The following NOTCH2 variants were observed in gnomAD, a reference collection of about 807,000 sequenced individuals.
NOTCH2 encodes the protein notch receptor 2, also known as neurogenic locus notch homolog protein 2.
NOTCH2 carries 29 observed loss-of-function variants against 235.8 expected under a neutral mutation model. The observed-to-expected ratio is 0.12, with a 90% CI of 0.09 to 0.17. NOTCH2 has a LOEUF of 0.17. NOTCH2 is among the 10% of genes least tolerant of loss of function. NOTCH2 has a pLI of 1.00. For synonymous variants in NOTCH2, 1,086 were observed against 1,141.5 expected, an observed-to-expected ratio of 0.95 and a Z score of 0.98; for missense variants, 2,285 against 3,150.2, an observed-to-expected ratio of 0.73 and a Z score of 6.57.
chr1:119,999,890 G>T (rs2603821), intron 3 of NOTCH2, among the ~76,000 whole-genome samples: 3,305 of 124,128 alleles, frequency 0.027, 3 homozygotes, highest in East Asian at 0.082. Context: ...AAAGAGAGAG[G>T]GAAAGAGAGA....
At position 119,912,025 on chromosome 1, in the gene NOTCH2, A is replaced by G; in HGVS notation, c.*3281T>C. Reference sequence around the variant, plus strand: ...GGTAACACTGCCAGGCCATGGATGCAGTATTGGAAAATAAAAAATACAACA... The same window carrying G: ...GGTAACACTGCCAGGCCATGGATGCGGTATTGGAAAATAAAAAATACAACA... On this transcript the variant is annotated 3_prime_UTR_variant, in exon 34 of 34. Coordinates refer to ENST00000256646, the MANE Select transcript of NOTCH2 (RefSeq NM_024408.4). The G allele has an allele frequency of 4.3e-6, 1 of 233,684 alleles. No individual in the cohort carries two copies. Among genetic ancestry groups the G allele is most frequent in the Non-Finnish European group, 8.5e-6 (1 of 118,054 alleles). 14.5% of individuals were successfully genotyped at this position (233,684 alleles called of 1,614,324 possible).
chr1:120,007,362 A>AT (rs1653019350), intron 2 of NOTCH2, among the ~76,000 whole-genome samples: 1 of 144,042 alleles, frequency 6.9e-6, no homozygotes, highest in African/African-American at 2.9e-5. Context: ...ACTGAACAAA[A>AT]TCAAGTATGT....
At chr1:119,939,610 T>A (rs587642767) in intron 19 of NOTCH2, among the ~76,000 whole-genome samples, 7 of 152,232 alleles carry the variant, frequency 4.6e-5, no homozygotes, top group Non-Finnish European at 8.8e-5. Context: ...GCACAAGGAC[T>A]GGCACCTTTC....
rs1422166778 is a variant in NOTCH2, at chr1:119,931,314, T to A, written c.3656-2102A>T. On this transcript the variant is annotated intron_variant, in intron 22 of 33. Coordinates refer to ENST00000256646, the MANE Select transcript of NOTCH2 (RefSeq NM_024408.4). ...TACACCTAAATGAAGACAACTTTAA[T>A]ACTGTCCTAACAGACACAAAAGAGA... Among the ~76,000 whole-genome samples the A allele has an allele frequency of 2.0e-5, 3 of 152,088 alleles. No individual in the cohort carries two copies. The East Asian group carries it at 5.8e-4, about 29-fold the overall frequency.
chr1:119,916,840 GCCTC>G, intron 33 of NOTCH2, 146 bp from the exon 34 acceptor site: 1 of 819,358 alleles, frequency 1.2e-6, no homozygotes, highest in Non-Finnish European at 2.0e-6. Context: ...GATAGGCTGT[GCCTC>G]TACCAATGTA....
At chr1:119,963,171 G>C (rs1183456707) in intron 11 of NOTCH2, among the ~76,000 whole-genome samples, 1 of 136,630 alleles carries the variant, frequency 7.3e-6, no homozygotes, top group Non-Finnish European at 1.6e-5. Flanking sequence ...AGGGAAGAAG[G>C]AAGGTAGGTA....
intron 17 of NOTCH2, among the ~76,000 whole-genome samples, chr1:119,944,644 T>G (rs782564592): frequency 6.6e-6 from 1 of 151,054 alleles, no homozygotes; most frequent in Non-Finnish European, 1.5e-5. Flanking sequence ...GAGAGAATTA[T>G]ATATGAAGGA....
At position 119,915,857 on chromosome 1, in the gene NOTCH2, G is replaced by A. The variant is rs1201355176; in HGVS notation, c.6865C>T (p.Pro2289Ser). The A allele has an allele frequency of 6.2e-7, 1 of 1,614,194 alleles. No individual in the cohort carries two copies. The highest frequency in any genetic ancestry group is 8.5e-7 in the Non-Finnish European group (1 of 1,180,040). Residue 2289 changes from proline (P) to serine (S), a missense_variant, in exon 34 of 34, where the codon CCT becomes TCT. Pro to Ser is a moderately conservative substitution (Grantham distance 74, BLOSUM62 -1). Transcript: ENST00000256646. ...GGGGTGGTTATGTGCTTCCCTTCAG[G>A]TGGCCTGCTCTGGGGAGCTATGCCA... Reference protein sequence around the residue: ...HPGIAPQSRPPEGKHITTPRE... With the variant: ...HPGIAPQSRPSEGKHITTPRE...
intron 14 of NOTCH2, among the ~76,000 whole-genome samples, chr1:119,952,440 C>G (rs1410698908): frequency 1.3e-5 from 2 of 152,032 alleles, no homozygotes; most frequent in African/African-American, 4.8e-5. Context: ...TTGGTGGGAG[C>G]CCTGAGCTTG....
Position 120,060,540 on chromosome 1 carries a change from G to C in NOTCH2, c.73+8794C>G, listed in dbSNP as rs4612671. On this transcript the variant is annotated intron_variant, in intron 1 of 33. Transcript: ENST00000256646. The stretch of plus-strand genomic sequence containing the variant: ...AAAGACGTATACCAAAAAATTAATG[G>C]CAGCATGATTGTGGACATTTTATTT... 5.1e-4 allele frequency among the ~76,000 whole-genome samples: 77 copies of C among 150,950 alleles called. No individual in the cohort carries two copies. In the East Asian group the frequency reaches 0.011, roughly 22 times the overall value.
chr1:119,959,824 T>C (rs1650867580), intron 11 of NOTCH2, among the ~76,000 whole-genome samples: 1 of 152,222 alleles, frequency 6.6e-6, no homozygotes, highest in South Asian at 2.1e-4. Context: ...ACTATAATTA[T>C]TCTACTGCTC....
intron 22 of NOTCH2, chr1:119,935,222 C>T: frequency 7.2e-7 from 1 of 1,386,790 alleles, no homozygotes; most frequent in Non-Finnish European, 9.4e-7. Context: ...TGTATCCCTT[C>T]CATATTCTGT....
rs1553194826 is a variant in NOTCH2 at position 119,929,175 on chromosome 1, C to T, written c.3693G>A (p.Arg1231=). ...LCEENIDDCA[R]GPHCLNGGQC... ...GACCACCATTAAGGCAATGGGGACC[C>T]CGGGCACAGTCATCAATGTTCTCTT... The change falls in exon 23 of 34, where the codon CGG becomes CGA. Residue 1231 remains arginine (R), a synonymous_variant. Transcript: ENST00000256646. The T allele has an allele frequency of 4.3e-6, 7 of 1,614,176 alleles. No individual in the cohort carries two copies. Among genetic ancestry groups the T allele is most frequent in the Non-Finnish European group, 4.2e-6 (5 of 1,180,022 alleles).
At position 119,948,413 on chromosome 1, in the gene NOTCH2, C is replaced by T; in HGVS notation, c.2752+1G>A. 1 of 1,614,120 alleles carries T rather than the reference C, an allele frequency of 6.2e-7. No individual in the cohort carries two copies. The highest frequency in any genetic ancestry group is 1.3e-5 in the African/African-American group (1 of 75,058). ...GCTTAAGAGCTGACTGGCATACTCA[C>T]TGGCAAGGCAGTCATCAATGTCCTC... On this transcript the variant is annotated splice_donor_variant, in intron 17 of 33. Coordinates refer to ENST00000256646, the MANE Select transcript of NOTCH2 (RefSeq NM_024408.4). LOFTEE classifies it high-confidence loss of function.
At position 119,915,675 on chromosome 1, in the gene NOTCH2, G is replaced by C. The variant is rs1284579155; in HGVS notation, c.7047C>G (p.Pro2349=). The change falls in exon 34 of 34, where the codon CCC becomes CCG. Residue 2349 remains proline (P), a synonymous_variant. Transcript: ENST00000256646. The part of the protein sequence containing the change: ...MYQIPEMARL[P]SVAFPTAMMP... The stretch of plus-strand genomic sequence containing the variant: ...TCATGGCAGTGGGGAAAGCCACACT[G>C]GGCAAACGGGCCATTTCTGGAATCT... 1 of 1,613,322 alleles carries C rather than the reference G, an allele frequency of 6.2e-7. No homozygotes were observed. The highest frequency in any genetic ancestry group is 1.7e-5 in the Admixed American group (1 of 60,002).
At position 119,916,423 on chromosome 1, in the gene NOTCH2, C is replaced by T. The variant is rs2101144548; in HGVS notation, c.6299G>A (p.Gly2100Asp). 3 of 1,614,106 alleles carry T rather than the reference C, an allele frequency of 1.9e-6. No individual in the cohort carries two copies. The highest frequency in any genetic ancestry group is 1.3e-5 in the African/African-American group (1 of 75,030). Reference sequence around the variant, plus strand: ...GGCACTGGGCCGTCTAGACTTCTTGCCCATTGGGGTGTGCTTCAGGCTGAG... The same window carrying T: ...GGCACTGGGCCGTCTAGACTTCTTGTCCATTGGGGTGTGCTTCAGGCTGAG... ...SFLSLKHTPM[G>D]KKSRRPSAKS... Residue 2100 changes from glycine (G) to aspartate (D), a missense_variant, in exon 34 of 34, where the codon GGC becomes GAC. By Grantham distance (94) the Gly-to-Asp change is moderately conservative. Transcript: ENST00000256646.
chr1:119,937,174 A>G, intron 21 of NOTCH2, 108 bp downstream of exon 21: 5 of 1,138,430 alleles, frequency 4.4e-6, no homozygotes, highest in South Asian at 1.2e-5. Context: ...GTAAAAATCT[A>G]TAAACTATCA....
intron 3 of NOTCH2, among the ~76,000 whole-genome samples, chr1:120,001,986 G>A (rs1380725996): frequency 6.6e-6 from 1 of 152,142 alleles, no homozygotes; most frequent in Non-Finnish European, 1.5e-5. Flanking sequence ...CAAGAAGGCT[G>A]TGTATGCTCT....
intron 22 of NOTCH2, 66 bp downstream of exon 22, chr1:119,935,406 A>C: frequency 1.2e-6 from 2 of 1,613,316 alleles, no homozygotes; most frequent in South Asian, 1.1e-5. Flanking sequence ...TCCCCTGAAC[A>C]CTAAGAATGG....
Sources: allele counts gnomAD v4.1 joint callset (sites outside exome capture counted in the v4.1 genomes callset), GRCh38; gene constraint gnomAD v4.1.1; transcripts MANE v1.5; gene names NCBI Gene and HGNC (gene_info 2026-07-23, HGNC 2026-07-21).